THRAP3: variants seen among roughly 807,000 people sequenced by gnomAD.
THRAP3 encodes thyroid hormone receptor-associated protein 3.
THRAP3 carries 16 observed loss-of-function variants against 101.0 expected under a neutral mutation model. The observed-to-expected ratio is 0.16, with a 90% CI of 0.11 to 0.24. The LOEUF is 0.24. Among genes scored for constraint, THRAP3 ranks in the 10% least tolerant of loss-of-function variants. The pLI is 1.00. For synonymous variants in THRAP3, 407 were observed against 422.6 expected, an observed-to-expected ratio of 0.96 and a Z score of 0.45; for missense variants, 989 against 1,202.7, an observed-to-expected ratio of 0.82 and a Z score of 2.63.
chr1:36,275,114 A>AAT (rs1645640697), intron 2 of THRAP3, among the ~76,000 whole-genome samples: 1 of 48,750 alleles, frequency 2.1e-5, no homozygotes, highest in South Asian at 1.0e-3. Context: ...TCTACTAAAA[A>AAT]ATACACACAC....
chr1:36,290,779 T>G (rs981086424), intron 5 of THRAP3, among the ~76,000 whole-genome samples: 1 of 152,192 alleles, frequency 6.6e-6, no homozygotes, highest in Non-Finnish European at 1.5e-5. Context: ...ATTTTAGGGT[T>G]AAGGAAGGCA....
intron 1 of THRAP3, among the ~76,000 whole-genome samples, chr1:36,248,415 C>A (rs1192734506): frequency 6.7e-6 from 1 of 149,532 alleles, no homozygotes; most frequent in Non-Finnish European, 1.5e-5. Flanking sequence ...TGTTGGATTG[C>A]AGGCCAGACC....
At chr1:36,225,415 A>G (rs1239658447) in intron 1 of THRAP3, 3 of 152,216 alleles carry the variant, frequency 2.0e-5, no homozygotes, top group Admixed American at 6.5e-5. Flanking sequence ...ATCTTAGGTC[A>G]AGAGTCTTCA....
In THRAP3 at chr1:36,292,682, A is replaced by G. The variant is rs1645891601; in HGVS notation, c.2003A>G (p.Lys668Arg). The G allele has an allele frequency of 6.2e-7, 1 of 1,613,752 alleles. No homozygotes were observed. Among genetic ancestry groups the G allele is most frequent in the Non-Finnish European group, 8.5e-7 (1 of 1,179,844 alleles). ...AGAGGAACTGAGCAGGAGGCAGCCA[A>G]AAACAAGAAAAGCCCAGAGATACAC... ...LKRGTEQEAA[K>R]NKKSPEIHRR... The change falls in exon 7 of 12, where the codon AAA becomes AGA. Residue 668 changes from lysine (K) to arginine (R), a missense_variant. Transcript: ENST00000354618.
At chr1:36,264,583 T>A (rs1256348574) in intron 2 of THRAP3, among the ~76,000 whole-genome samples, 1 of 152,210 alleles carries the variant, frequency 6.6e-6, no homozygotes, top group Non-Finnish European at 1.5e-5. Context: ...TTAGTGCCCC[T>A]CTTGAAGTAA....
chr1:36,225,990 A>G (rs896203854), intron 1 of THRAP3, among the ~76,000 whole-genome samples: 13 of 152,158 alleles, frequency 8.5e-5, no homozygotes, highest in African/African-American at 2.4e-4. Flanking sequence ...AAGATCTCCA[A>G]TTTTGGAGAC....
intron 10 of THRAP3, 91 bp from the exon 11 acceptor site, chr1:36,301,462 C>A: frequency 6.7e-7 from 1 of 1,496,802 alleles, no homozygotes; most frequent in Non-Finnish European, 9.0e-7. Flanking sequence ...GTCTATTCCA[C>A]ACCAGAAAAA....
At chr1:36,260,080 A>G (rs1645425255) in intron 2 of THRAP3, among the ~76,000 whole-genome samples, 1 of 152,012 alleles carries the variant, frequency 6.6e-6, no homozygotes, top group South Asian at 2.1e-4. Context: ...CGTCTCTACT[A>G]AAAATACAAA....
At position 36,281,540 on chromosome 1, in the gene THRAP3, G is replaced by GA. The variant is rs374495773; in HGVS notation, c.-31-990dup. 1.2e-4 allele frequency among the ~76,000 whole-genome samples: 18 copies of GA among 150,270 alleles called. 1 individual carries two copies. The highest frequency in any genetic ancestry group is 4.4e-4 in the African/African-American group (18 of 41,038). On this transcript the variant is annotated intron_variant, in intron 2 of 11. Transcript: ENST00000354618. ...GTACTACTAAGAAATTCCTTTTGAT[G>GA]AAAGAGCAGAGTGGTTTTTAAAAAT...
chr1:36,219,118 A>G, the THRAP3 span, among the ~76,000 whole-genome samples: 1 of 152,026 alleles, frequency 6.6e-6, no homozygotes, highest in Admixed American at 6.6e-5. Flanking sequence ...GCTGATACAG[A>G]GAGAGTTTTA....
intron 9 of THRAP3, 72 bp downstream of exon 9, chr1:36,296,842 A>G (rs1464944764): frequency 2.3e-6 from 3 of 1,281,070 alleles, no homozygotes; most frequent in South Asian, 1.7e-5. Flanking sequence ...ATACACCAGA[A>G]CTTTCAAATC....
intron 2 of THRAP3, among the ~76,000 whole-genome samples, chr1:36,269,832 C>T (rs1645565711): frequency 6.6e-6 from 1 of 152,106 alleles, no homozygotes; most frequent in Non-Finnish European, 1.5e-5. Context: ...ACCCCTCAAC[C>T]TCCCAAAGTG....
upstream of THRAP3, among the ~76,000 whole-genome samples, chr1:36,221,410 G>GA (rs907374029): frequency 5.1e-4 from 74 of 146,370 alleles, no homozygotes; most frequent in African/African-American, 1.6e-3. Flanking sequence ...GATGAAAAGG[G>GA]AAAAAAAAAA....
At position 36,289,514 on chromosome 1, in the gene THRAP3, T is replaced by G; in HGVS notation, c.1495T>G (p.Ser499Ala). 1 of 1,613,496 alleles carries G rather than the reference T, an allele frequency of 6.2e-7. No homozygotes were observed. Among genetic ancestry groups the G allele is most frequent in the Non-Finnish European group, 8.5e-7 (1 of 1,179,878 alleles). ...GGAGGAGGAGTCTTTCCCAGAGAGA[T>G]CCAAAAAGGAAGATCGGGGCAAGAG... Reference protein sequence around the residue: ...ELEEESFPERSKKEDRGKRSE... With the variant: ...ELEEESFPERAKKEDRGKRSE... Residue 499 changes from serine to alanine, a missense_variant, in exon 5 of 12, where the codon TCC (serine) becomes GCC (alanine). Physicochemically the swap from Ser to Ala is moderately conservative, Grantham distance 99. Coordinates refer to ENST00000354618, the MANE Select transcript of THRAP3 (RefSeq NM_005119.4).
chr1:36,238,655 A>C (rs998113043), intron 1 of THRAP3, among the ~76,000 whole-genome samples: 11 of 152,330 alleles, frequency 7.2e-5, no homozygotes, highest in Admixed American at 7.2e-4. Context: ...ACTTTTAGTC[A>C]GCAACACTTT....
At position 36,289,487 on chromosome 1, in the gene THRAP3, C is replaced by A; in HGVS notation, c.1468C>A (p.Leu490Met). ...GGAAAAGCAGAGAAAAACAGAGGAG[C>A]TGGAGGAGGAGTCTTTCCCAGAGAG... ...GKEKQRKTEELEEESFPERSK... is the reference protein window; with the variant it reads ...GKEKQRKTEEMEEESFPERSK... Residue 490 changes from leucine to methionine, a missense_variant, in exon 5 of 12, where the codon CTG becomes ATG. Transcript: ENST00000354618. The A allele has an allele frequency of 6.2e-7, 1 of 1,614,164 alleles. No individual in the cohort carries two copies. The highest frequency in any genetic ancestry group is 8.5e-7 in the Non-Finnish European group (1 of 1,180,036).
At chr1:36,257,963 C>T (rs1645396684) in intron 1 of THRAP3, among the ~76,000 whole-genome samples, 1 of 152,176 alleles carries the variant, frequency 6.6e-6, no homozygotes, top group South Asian at 2.1e-4. Context: ...GCCTCAGCCT[C>T]CCGAATAGCT....
rs757749091 is a variant in THRAP3, at chr1:36,289,361, G to C, written c.1342G>C (p.Asp448His). ...GGGAAGAAAGGAATCTGAGTTTGAT[G>C]ATGAACCCAAATTTATGTCTAAAGT... is the stretch of plus-strand genomic sequence containing the variant. ...AKGRKESEFD[D>H]EPKFMSKVIG... Residue 448 changes from aspartate (D) to histidine (H), a missense_variant, in exon 5 of 12, where the codon GAT becomes CAT. Physicochemically the swap from Asp to His is moderately conservative, Grantham distance 81. Coordinates refer to ENST00000354618, the MANE Select transcript of THRAP3 (RefSeq NM_005119.4). 10 of 1,614,030 alleles carry C rather than the reference G, an allele frequency of 6.2e-6. No homozygotes were observed. Among genetic ancestry groups the C allele is most frequent in the Admixed American group, 1.7e-5 (1 of 59,998 alleles).
At chr1:36,258,370 T>G (rs1013014832) in intron 1 of THRAP3, among the ~76,000 whole-genome samples, 1 of 152,206 alleles carries the variant, frequency 6.6e-6, no homozygotes, top group African/African-American at 2.4e-5. Context: ...TTTTTTAAAG[T>G]GCTATATTTG....
Sources: gnomAD v4.1 joint callset for allele counts (sites outside exome capture counted in the v4.1 genomes callset) on GRCh38, gnomAD v4.1.1 for gene constraint, MANE v1.5 for transcripts, NCBI Gene and HGNC (gene_info 2026-07-23, HGNC 2026-07-21) for gene names.